Variants in SHISA9 observed in about 807,000 individuals in gnomAD.
The protein encoded by SHISA9 is shisa family member 9.
In SHISA9, 13 loss-of-function variants were observed where a neutral mutation model predicts 38.0. The ratio of observed to expected loss-of-function variants is 0.34; its 90% confidence interval spans 0.22 to 0.54. The LOEUF (loss-of-function observed/expected upper bound fraction) is 0.54, where lower values mean the gene tolerates loss of function less well. Ranked by LOEUF, SHISA9 falls within the 20% of genes least tolerant of loss-of-function variation. The pLI is 0.91. For missense variants in SHISA9, 538 were observed against 575.8 expected (o/e 0.93, Z 0.67); for synonymous variants, 275 against 242.0 (o/e 1.14, Z -1.27).
At chr16:13,543,744 G>A in the SHISA9 span, among the ~76,000 whole-genome samples, 1 of 152,118 alleles carries the variant, frequency 6.6e-6, no homozygotes, top group African/African-American at 2.4e-5. Flanking sequence ...CCTCCCAAAT[G>A]CTGCTGCAGA....
At chr16:13,269,384 A>G in the SHISA9 span, among the ~76,000 whole-genome samples, 2 of 152,236 alleles carry the variant, frequency 1.3e-5, no homozygotes, top group Non-Finnish European at 2.9e-5. Flanking sequence ...GGGGACATAC[A>G]GGAATAAATC....
At chr16:13,559,485 C>T in the SHISA9 span, among the ~76,000 whole-genome samples, 3 of 151,834 alleles carry the variant, frequency 2.0e-5, no homozygotes, top group African/African-American at 7.3e-5. Flanking sequence ...TTAGGTCATC[C>T]TCCCACCTCA....
the SHISA9 span, among the ~76,000 whole-genome samples, chr16:13,494,196 C>G: frequency 6.6e-6 from 1 of 152,200 alleles, no homozygotes; most frequent in South Asian, 2.1e-4. Flanking sequence ...AATAAATTCC[C>G]TTTGTATCAT....
At chr16:13,494,355 C>A in the SHISA9 span, among the ~76,000 whole-genome samples, 1 of 152,060 alleles carries the variant, frequency 6.6e-6, no homozygotes. Flanking sequence ...CAATTGGGGA[C>A]ACTAAAGAAC....
intron 2 of SHISA9, among the ~76,000 whole-genome samples, chr16:12,970,416 T>TGTGTATATATAC (rs1567357118): frequency 2.6e-5 from 1 of 38,932 alleles, no homozygotes; most frequent in Admixed American, 4.9e-4. Context: ...TATATATATA[T>TGTGTATATATAC]ACACATATAT....
the SHISA9 span, among the ~76,000 whole-genome samples, chr16:13,478,658 C>G: frequency 1.4e-4 from 22 of 152,318 alleles, no homozygotes; most frequent in African/African-American, 5.3e-4. Context: ...AAACATATTC[C>G]ATAAACCTTC....
At chr16:13,554,698 G>A in the SHISA9 span, among the ~76,000 whole-genome samples, 3 of 152,090 alleles carry the variant, frequency 2.0e-5, no homozygotes, top group South Asian at 6.2e-4. Flanking sequence ...CACCATGTTG[G>A]TCAGGCTGGT....
intron 2 of SHISA9, among the ~76,000 whole-genome samples, chr16:13,071,392 C>G (rs373115076): frequency 6.6e-6 from 1 of 152,124 alleles, no homozygotes; most frequent in African/African-American, 2.4e-5. Flanking sequence ...ATCCTTCCAA[C>G]AATTCCTCCT....
At chr16:13,325,316 A>C in the SHISA9 span, among the ~76,000 whole-genome samples, 2 of 152,212 alleles carry the variant, frequency 1.3e-5, no homozygotes, top group African/African-American at 4.8e-5. Context: ...TGCTACAAGC[A>C]GCTTGTTTTG....
At chr16:13,241,250 C>T (rs1468208669), downstream of SHISA9, among the ~76,000 whole-genome samples, 1 of 152,170 alleles carries the variant, frequency 6.6e-6, no homozygotes, top group Admixed American at 6.5e-5. Flanking sequence ...CACGGTGGCT[C>T]ATGTCTGTAA....
At chr16:12,911,393 A>C (rs1368957877) in intron 1 of SHISA9, 16 of 985,282 alleles carry the variant, frequency 1.6e-5, no homozygotes, top group Non-Finnish European at 1.7e-5. Context: ...CCTGTCTATA[A>C]AATGTTTTTT....
chr16:13,388,312 T>A, the SHISA9 span, among the ~76,000 whole-genome samples: 1 of 129,556 alleles, frequency 7.7e-6, no homozygotes, highest in African/African-American at 3.1e-5. Context: ...TTTGGGGAAT[T>A]TTTTTTTTTT....
intron 2 of SHISA9, among the ~76,000 whole-genome samples, chr16:13,140,568 A>G (rs1567225320): frequency 6.6e-6 from 1 of 152,198 alleles, no homozygotes; most frequent in African/African-American, 2.4e-5. Flanking sequence ...CAAGTTCTGC[A>G]TTTAATTTAC....
At chr16:13,401,408 C>G in the SHISA9 span, among the ~76,000 whole-genome samples, 1 of 152,170 alleles carries the variant, frequency 6.6e-6, no homozygotes, top group Non-Finnish European at 1.5e-5. Flanking sequence ...AAGGCCCACG[C>G]ATATTACTTT....
chr16:13,425,032 T>C, the SHISA9 span, among the ~76,000 whole-genome samples: 1 of 152,244 alleles, frequency 6.6e-6, no homozygotes, highest in African/African-American at 2.4e-5. Flanking sequence ...ATAAAAAGAA[T>C]GATATCATGG....
intron 2 of SHISA9, among the ~76,000 whole-genome samples, chr16:13,127,503 G>A (rs1338897213): frequency 1.3e-5 from 2 of 151,888 alleles, no homozygotes; most frequent in Non-Finnish European, 2.9e-5. Flanking sequence ...GAGAAAACAA[G>A]AAAAGGATAG....
rs79186980 is a variant in SHISA9 at position 13,007,187 on chromosome 16, C to G, written c.691+90372C>G. Among the ~76,000 whole-genome samples the G allele has an allele frequency of 6.7e-3, 1,024 of 152,310 alleles. 7 individuals carry two copies. Among genetic ancestry groups the G allele is most frequent in the Middle Eastern group, 0.01 (3 of 294 alleles). On this transcript the variant is annotated intron_variant, in intron 2 of 4. Transcript: ENST00000558583. ...TAAACTCTCTCGCTTGACCTCTGGA[C>G]TTGACATTCTATTAGATGTCCAAAG...
At chr16:13,374,402 G>A in the SHISA9 span, among the ~76,000 whole-genome samples, 4 of 152,130 alleles carry the variant, frequency 2.6e-5, no homozygotes, top group Non-Finnish European at 5.9e-5. Context: ...ACCTATGAGT[G>A]AGAACATGTG....
chr16:13,561,623 T>A, the SHISA9 span, among the ~76,000 whole-genome samples: 754 of 152,026 alleles, frequency 5.0e-3, 2 homozygotes, highest in East Asian at 0.029. Flanking sequence ...AATAGCGAGG[T>A]GTGGGGAGCT....
Sources: allele counts gnomAD v4.1 joint callset (sites outside exome capture counted in the v4.1 genomes callset), GRCh38; gene constraint gnomAD v4.1.1; transcripts MANE v1.5; gene names NCBI Gene and HGNC (gene_info 2026-07-23, HGNC 2026-07-21).